CPXM2: variants seen among roughly 807,000 people sequenced by gnomAD.
CPXM2 encodes inactive carboxypeptidase-like protein X2.
Under a neutral mutation model 86.1 loss-of-function variants are expected in CPXM2, and 66 were observed. The observed-to-expected ratio is 0.77, with a 90% CI of 0.63 to 0.94. The LOEUF is 0.94. CPXM2 is among the 40% of genes least tolerant of loss of function. The pLI is 0.00. For synonymous variants in CPXM2, 388 were observed against 400.2 expected, an observed-to-expected ratio of 0.97 and a Z score of 0.36; for missense variants, 948 against 1,026.3, an observed-to-expected ratio of 0.92 and a Z score of 1.04.
intron 2 of CPXM2, among the ~76,000 whole-genome samples, chr10:123,869,276 C>G (rs890086848): frequency 1.3e-5 from 2 of 152,130 alleles, no homozygotes; most frequent in Non-Finnish European, 2.9e-5. Context: ...AAGCGGGCTC[C>G]GACAATTAAT....
chr10:123,937,679 C>T (rs1945735982), intron 2 of CPXM2, among the ~76,000 whole-genome samples: 2 of 152,140 alleles, frequency 1.3e-5, no homozygotes, highest in South Asian at 4.1e-4. Context: ...GCTTTCTCTT[C>T]TGAGCATCCT....
intron 6 of CPXM2, among the ~76,000 whole-genome samples, chr10:123,796,882 G>A (rs1389821592): frequency 1.3e-5 from 2 of 152,208 alleles, no homozygotes; most frequent in Non-Finnish European, 2.9e-5. Context: ...GGTGGACTGC[G>A]GGTGAACAGG....
At chr10:123,936,420 C>T (rs1413968075) in intron 2 of CPXM2, among the ~76,000 whole-genome samples, 2 of 152,204 alleles carry the variant, frequency 1.3e-5, no homozygotes, top group African/African-American at 4.8e-5. Context: ...GGCTATATGT[C>T]AGTTTCCTAC....
Position 123,810,986 on chromosome 10 carries a change from C to A in CPXM2, c.654-11787G>T, listed in dbSNP as rs569995415. Among the ~76,000 whole-genome samples the A allele has an allele frequency of 1.4e-4, 21 of 151,880 alleles. No homozygotes were observed. The South Asian group carries it at 4.4e-3, about 32-fold the overall frequency. On this transcript the variant is annotated intron_variant, in intron 4 of 13. Transcript: ENST00000241305. ...GAGAATTGAGAGCCCAGAAACAGAC[C>A]CATGCATATATAAAACCTGAAAGAG...
intron 3 of CPXM2, among the ~76,000 whole-genome samples, chr10:123,847,945 TA>T (rs201675583): frequency 0.028 from 4,289 of 152,226 alleles, 79 homozygotes; most frequent in African/African-American, 0.052. Context: ...TGGAAGCAAA[TA>T]AAAAGTCATA....
intron 6 of CPXM2, among the ~76,000 whole-genome samples, chr10:123,787,381 C>G (rs563912709): frequency 6.6e-6 from 1 of 152,088 alleles, no homozygotes; most frequent in African/African-American, 2.4e-5. Context: ...CTGCTCACTA[C>G]ATGAGACTTT....
chr10:123,837,157 C>T (rs536423750), intron 4 of CPXM2, among the ~76,000 whole-genome samples: 100 of 152,386 alleles, frequency 6.6e-4, no homozygotes, highest in African/African-American at 2.3e-3. Context: ...GAACGTGGAA[C>T]TCCTGCTAAG....
In CPXM2 at chr10:123,762,160, C is replaced by T. The variant is rs200207468; in HGVS notation, c.1489G>A (p.Glu497Lys). ...ATCCAGGCTATGACTGCTCTGGTCT[C>T]GGCAGCCACCTGTGAACATCCCAAA... ...FLSENATVAA[E>K]TRAVIAWMEK... The change falls in exon 11 of 14, where the codon GAG (glutamate) becomes AAG (lysine). Residue 497 changes from glutamate to lysine, a missense_variant. Glu to Lys is a moderately conservative substitution (Grantham distance 56). Coordinates refer to ENST00000241305, the MANE Select transcript of CPXM2 (RefSeq NM_198148.3). The T allele has an allele frequency of 2.4e-5, 38 of 1,614,040 alleles. No homozygotes were observed. Among genetic ancestry groups the T allele is most frequent in the African/African-American group, 5.3e-5 (4 of 75,024 alleles).
At chr10:123,922,044 C>G (rs567965237) in intron 2 of CPXM2, among the ~76,000 whole-genome samples, 3 of 152,326 alleles carry the variant, frequency 2.0e-5, no homozygotes, top group East Asian at 3.9e-4. Context: ...AGGACTCAAC[C>G]TGAGCACAAT....
At position 123,862,635 on chromosome 10, in the gene CPXM2, A is replaced by G; in HGVS notation, c.492T>C (p.His164=). Reference sequence around the variant, plus strand: ...GTACCTGGATGTTGAGTCTCCCTCGATGTGCCCCCAGGCCATAGCGCTTCA... The same window carrying G: ...GTACCTGGATGTTGAGTCTCCCTCGGTGTGCCCCCAGGCCATAGCGCTTCA... ...STVKRYGLGA[H]RGRLNIQAGI... Residue 164 remains histidine, a synonymous_variant, in exon 3 of 14, where the codon CAT becomes CAC. Coordinates refer to ENST00000241305, the MANE Select transcript of CPXM2 (RefSeq NM_198148.3). 1 of 1,614,152 alleles carries G rather than the reference A, an allele frequency of 6.2e-7. No homozygotes were observed. The highest frequency in any genetic ancestry group is 1.7e-5 in the Admixed American group (1 of 60,020).
At chr10:123,915,832 C>T (rs1945530217) in intron 2 of CPXM2, among the ~76,000 whole-genome samples, 1 of 152,180 alleles carries the variant, frequency 6.6e-6, no homozygotes, top group Admixed American at 6.5e-5. Flanking sequence ...TTTCCAGTCC[C>T]TGGTCCTGGT....
intron 2 of CPXM2, among the ~76,000 whole-genome samples, chr10:123,939,279 T>C (rs1319744680): frequency 6.6e-6 from 1 of 152,136 alleles, no homozygotes; most frequent in Non-Finnish European, 1.5e-5. Flanking sequence ...AGGACTCACA[T>C]ATTTAAAGTA....
At chr10:123,895,001 C>G (rs1222169097), upstream of CPXM2, among the ~76,000 whole-genome samples, 2 of 152,162 alleles carry the variant, frequency 1.3e-5, no homozygotes, top group African/African-American at 2.4e-5. Context: ...CTAACCAATC[C>G]CAAGTAAACC....
intron 6 of CPXM2, among the ~76,000 whole-genome samples, chr10:123,795,850 A>G (rs1047551013): frequency 6.6e-6 from 1 of 152,194 alleles, no homozygotes; most frequent in Non-Finnish European, 1.5e-5. Context: ...CACACCAAGA[A>G]TAACTTCACA....
intron 2 of CPXM2, among the ~76,000 whole-genome samples, chr10:123,910,840 C>T (rs78136473): frequency 0.022 from 3,333 of 152,202 alleles, 94 homozygotes; most frequent in East Asian, 0.097. Flanking sequence ...CACCAGCTCT[C>T]GGGGAGGATC....
At chr10:123,914,948 T>C (rs1401454968) in intron 2 of CPXM2, among the ~76,000 whole-genome samples, 2 of 152,194 alleles carry the variant, frequency 1.3e-5, no homozygotes, top group Non-Finnish European at 2.9e-5. Flanking sequence ...TAACAACAAA[T>C]GGATCTGCTT....
Position 123,881,718 on chromosome 10 carries a change from C to G in CPXM2, c.305-1409G>C, listed in dbSNP as rs1400770621. ...TGCCTGAAGAGGAGACTCCTGGTAT[C>G]TGGGGGCTGGGTGTCCCTGTGGGGA... is the stretch of plus-strand genomic sequence containing the variant. On this transcript the variant is annotated intron_variant, in intron 1 of 13. Transcript: ENST00000241305. Among the ~76,000 whole-genome samples the G allele has an allele frequency of 5.9e-5, 9 of 152,174 alleles. No individual in the cohort carries two copies. The South Asian group carries it at 1.9e-3, about 31-fold the overall frequency.
intron 1 of CPXM2, among the ~76,000 whole-genome samples, chr10:123,890,774 T>A (rs1006130077): frequency 2.0e-5 from 3 of 151,926 alleles, no homozygotes; most frequent in Non-Finnish European, 4.4e-5. Flanking sequence ...CAAGCCGGAG[T>A]CCAGGCTGCA....
intron 4 of CPXM2, among the ~76,000 whole-genome samples, chr10:123,808,392 C>A (rs556654200): frequency 3.3e-5 from 5 of 149,980 alleles, no homozygotes; most frequent in South Asian, 2.1e-4. Flanking sequence ...ACAACAACAA[C>A]CAGCTGTTAG....
Sources: allele counts gnomAD v4.1 joint callset (sites outside exome capture counted in the v4.1 genomes callset), GRCh38; gene constraint gnomAD v4.1.1; transcripts MANE v1.5; gene names NCBI Gene and HGNC (gene_info 2026-07-23, HGNC 2026-07-21).